DAZL: variants seen among roughly 807,000 people sequenced by gnomAD.
The protein encoded by DAZL is deleted in azoospermia like, also known as deleted in azoospermia-like.
In DAZL, 4 loss-of-function variants were observed where a neutral mutation model predicts 45.0. The observed-to-expected ratio is 0.09, with a 90% CI of 0.04 to 0.20. DAZL has a LOEUF of 0.20. Among genes scored for constraint, DAZL ranks in the 10% least tolerant of loss-of-function variants. DAZL has a pLI of 1.00. For synonymous variants in DAZL, 122 were observed against 112.4 expected (o/e 1.09, Z -0.54); for missense variants, 326 against 351.3 (o/e 0.93, Z 0.58).
intron 4 of DAZL, 135 bp from the exon 5 acceptor site, chr3:16,597,186 T>C (rs1354704129): frequency 3.4e-6 from 4 of 1,163,292 alleles, no homozygotes; most frequent in Middle Eastern, 2.9e-4. Context: ...AATTAAAATT[T>C]GTCATCATGA....
Position 16,605,282 on chromosome 3 carries a change from C to A in DAZL, c.-77G>T, listed in dbSNP as rs1196546188. The A allele has an allele frequency of 6.3e-7, 1 of 1,575,610 alleles. No homozygotes were observed. The highest frequency in any genetic ancestry group is 8.7e-7 in the Non-Finnish European group (1 of 1,145,070). ...GCTTGGCGCACCACTTCTGGGGCTG[C>A]TGTGAGGTCCGCTGGAACCCGCTGC... On this transcript the variant is annotated 5_prime_UTR_variant, in exon 1 of 11. Transcript: ENST00000399444.
chr3:16,604,690 G>A, intron 1 of DAZL: 1 of 1,356,310 alleles, frequency 7.4e-7, no homozygotes, highest in Admixed American at 3.4e-5. Flanking sequence ...GGCCCTCGAA[G>A]TTTAAGAAGG....
At chr3:16,597,176 A>G in intron 4 of DAZL, 125 bp from the exon 5 acceptor site, 1 of 1,200,682 alleles carries the variant, frequency 8.3e-7, no homozygotes, top group Non-Finnish European at 1.2e-6. Context: ...CTACACACCA[A>G]ATTAAAATTT....
chr3:16,592,173 T>TGTAAA (rs777177449), intron 9 of DAZL, 25 bp from the exon 10 acceptor site: 1 of 1,608,724 alleles, frequency 6.2e-7, no homozygotes, highest in Non-Finnish European at 8.5e-7. Flanking sequence ...TTTTCAGTAA[T>TGTAAA]GTAAAGACGA....
At chr3:16,599,916 A>AT (rs1559404362) in intron 1 of DAZL, among the ~76,000 whole-genome samples, 28 of 152,228 alleles carry the variant, frequency 1.8e-4, no homozygotes. Flanking sequence ...AGGAAATGAG[A>AT]TAACATCTGT....
At chr3:16,591,226 G>T (rs1473356794) in intron 10 of DAZL, among the ~76,000 whole-genome samples, 1 of 151,972 alleles carries the variant, frequency 6.6e-6, no homozygotes, top group African/African-American at 2.4e-5. Context: ...ATCCAACATG[G>T]ATAGACGGCG....
chr3:16,603,544 G>A (rs1474861328), intron 1 of DAZL, among the ~76,000 whole-genome samples: 6 of 145,850 alleles, frequency 4.1e-5, no homozygotes, highest in African/African-American at 1.5e-4. Context: ...ATGGGGTTTC[G>A]CCGTATTAGC....
At chr3:16,594,834 T>C (rs1694573451) in intron 7 of DAZL, among the ~76,000 whole-genome samples, 1 of 152,134 alleles carries the variant, frequency 6.6e-6, no homozygotes, top group African/African-American at 2.4e-5. Flanking sequence ...TATTAGTTCC[T>C]TGAATTTATT....
chr3:16,598,182 T>C lies in DAZL; in HGVS notation c.151-4A>G, dbSNP rs112499774. On this transcript the variant is annotated splice_region_variant and splice_polypyrimidine_tract_variant and intron_variant, in intron 2 of 10. Transcript: ENST00000399444. ...TTCTAATCTCAGTTTCATCCATCTA[T>C]GGAAAAGAATTGAACTTCAAGAGTA... 1 of 1,584,414 alleles carries C rather than the reference T, an allele frequency of 6.3e-7. No homozygotes were observed. The highest frequency in any genetic ancestry group is 1.7e-5 in the Admixed American group (1 of 59,596).
At chr3:16,596,015 T>C (rs1694594546) in intron 6 of DAZL, among the ~76,000 whole-genome samples, 1 of 151,936 alleles carries the variant, frequency 6.6e-6, no homozygotes, top group Non-Finnish European at 1.5e-5. Context: ...TTTTTTTTTC[T>C]AGCCATTGTT....
chr3:16,591,973 C>T (rs1694524736), intron 10 of DAZL, 77 bp downstream of exon 10: 2 of 1,495,976 alleles, frequency 1.3e-6, no homozygotes, highest in Admixed American at 1.7e-5. Flanking sequence ...TCTCAAAATA[C>T]ATATACCACA....
intron 1 of DAZL, among the ~76,000 whole-genome samples, chr3:16,601,344 C>T (rs1694686519): frequency 6.6e-6 from 1 of 152,186 alleles, no homozygotes; most frequent in Non-Finnish European, 1.5e-5. Context: ...GCCTGCTTAA[C>T]TGGAATCGTA....
In DAZL at chr3:16,596,757, T is replaced by C; in HGVS notation, c.491A>G (p.Tyr164Cys). 6.2e-7 allele frequency: 1 copy of C among 1,613,720 alleles called. No homozygotes were observed. Among genetic ancestry groups the C allele is most frequent in the Non-Finnish European group, 8.5e-7 (1 of 1,179,676 alleles). ...PTTTMNPITQYVQAYPTYPNS... is the reference protein window; with the variant it reads ...PTTTMNPITQCVQAYPTYPNS... ...ACGTTAAGCAATTCTTACCTGAACA[T>C]ACTGAGTTATAGGATTCATCGTGGT... The change falls in exon 6 of 11, where the codon TAT (tyrosine) becomes TGT (cysteine). Residue 164 changes from tyrosine (Y) to cysteine (C), a missense_variant. By Grantham distance (194) the Tyr-to-Cys change is radical. Transcript: ENST00000399444.
chr3:16,592,211 T>C, intron 9 of DAZL, 63 bp from the exon 10 acceptor site: 2 of 1,585,820 alleles, frequency 1.3e-6, no homozygotes, highest in Non-Finnish European at 8.6e-7. Flanking sequence ...AGTAAGGGTT[T>C]TTTTTTGATA....
In DAZL at chr3:16,595,378, G is replaced by A; in HGVS notation, c.506C>T (p.Pro169Leu). 1 of 1,568,788 alleles carries A rather than the reference G, an allele frequency of 6.4e-7. No homozygotes were observed. The highest frequency in any genetic ancestry group is 8.7e-7 in the Non-Finnish European group (1 of 1,148,074). Residue 169 changes from proline to leucine, a missense_variant, in exon 7 of 11, where the codon CCT becomes CTT. Around this residue, in one of 3 missense-constraint regions of DAZL, gnomAD observed 227 missense variants for 216.6 expected, o/e 1.05. Coordinates refer to ENST00000399444, the MANE Select transcript of DAZL (RefSeq NM_001351.4). Reference protein sequence around the residue: ...NPITQYVQAYPTYPNSPVQVI... With the variant: ...NPITQYVQAYLTYPNSPVQVI... ...CTGAACTGGTGAATTTGGGTAAGTA[G>A]GATATGCCTGAAAATCAAGTTTACA...
chr3:16,597,449 TATCA>T (rs770221939), intron 4 of DAZL, 37 bp downstream of exon 4: 1 of 1,210,672 alleles, frequency 8.3e-7, no homozygotes, highest in African/African-American at 1.5e-5. Flanking sequence ...CTAAACATTG[TATCA>T]ATTAAACAAA....
In DAZL at chr3:16,596,286, C is replaced by T. The variant is rs1260999985; in HGVS notation, c.498+464G>A. The stretch of plus-strand genomic sequence containing the variant: ...TCAGAGAAATTATATGCCAGAAACT[C>T]ACAGGATTTACATAGTAAAACACAT... On this transcript the variant is annotated intron_variant, in intron 6 of 10. Coordinates refer to ENST00000399444, the MANE Select transcript of DAZL (RefSeq NM_001351.4). 2.6e-5 allele frequency among the ~76,000 whole-genome samples: 4 copies of T among 152,130 alleles called. No homozygotes were observed. In the East Asian group the frequency reaches 7.7e-4, roughly 29 times the overall value.
chr3:16,604,674 A>T, intron 1 of DAZL: 1 of 1,356,356 alleles, frequency 7.4e-7, no homozygotes, highest in African/African-American at 1.5e-5. Context: ...TTCCTAAGGA[A>T]GCTCCGGCCC....
intron 4 of DAZL, 115 bp from the exon 5 acceptor site, chr3:16,597,166 C>G: frequency 8.1e-7 from 1 of 1,229,024 alleles, no homozygotes; most frequent in South Asian, 1.4e-5. Flanking sequence ...TCAGTGATAA[C>G]TACACACCAA....
Sources: gnomAD v4.1 joint callset for allele counts (sites outside exome capture counted in the v4.1 genomes callset) on GRCh38, gnomAD v4.1.1 for gene constraint, gnomAD v4.1.1 regional missense constraint, MANE v1.5 for transcripts, NCBI Gene and HGNC (gene_info 2026-07-23, HGNC 2026-07-21) for gene names.